Variants in PTPRT observed in about 807,000 individuals in gnomAD.
PTPRT encodes protein tyrosine phosphatase receptor type T, also known as receptor-type tyrosine-protein phosphatase T.
A neutral mutation model predicts 176.8 loss-of-function variants in PTPRT; 56 were observed. That is an observed-to-expected ratio of 0.32 (90% CI 0.26 to 0.40). The LOEUF (loss-of-function observed/expected upper bound fraction) is 0.40. Among genes scored for constraint, PTPRT ranks in the 10% least tolerant of loss-of-function variants. PTPRT has a pLI of 1.00. For missense variants in PTPRT, 1,540 were observed against 1,908.2 expected, an observed-to-expected ratio of 0.81 and a Z score of 3.60; for synonymous variants, 783 against 739.0, an observed-to-expected ratio of 1.06 and a Z score of -0.96.
the PTPRT span, among the ~76,000 whole-genome samples, chr20:42,034,293 T>C: frequency 6.6e-6 from 1 of 152,144 alleles, no homozygotes; most frequent in Non-Finnish European, 1.5e-5. Flanking sequence ...CCCTGCTGGA[T>C]GTTGAGGAGA....
intron 1 of PTPRT, among the ~76,000 whole-genome samples, chr20:43,099,352 G>C (rs528690019): frequency 6.6e-6 from 1 of 152,240 alleles, no homozygotes; most frequent in East Asian, 1.9e-4. Context: ...ACAGATCAAA[G>C]AAGCATGGAC....
At chr20:42,866,496 C>A (rs2078749159) in intron 2 of PTPRT, among the ~76,000 whole-genome samples, 1 of 152,168 alleles carries the variant, frequency 6.6e-6, no homozygotes, top group Non-Finnish European at 1.5e-5. Context: ...CATGCCTGAT[C>A]AGTTCCCTCC....
intron 26 of PTPRT, among the ~76,000 whole-genome samples, chr20:42,099,546 C>CGG (rs59137378): frequency 6.6e-4 from 19 of 28,896 alleles, no homozygotes; most frequent in African/African-American, 1.2e-3. Context: ...ATGGCCTGGG[C>CGG]GGGGGGGGGG....
intron 7 of PTPRT, among the ~76,000 whole-genome samples, chr20:42,567,871 A>G (rs2073072979): frequency 6.6e-6 from 1 of 152,118 alleles, no homozygotes; most frequent in Non-Finnish European, 1.5e-5. Flanking sequence ...GACTGTCTTA[A>G]TTAGTATTGA....
chr20:42,694,029 TA>T, intron 6 of PTPRT, among the ~76,000 whole-genome samples: 1 of 96,406 alleles, frequency 1.0e-5, no homozygotes. Flanking sequence ...TTTTTTCTTT[TA>T]TTTTATTTTC....
In PTPRT at chr20:42,594,359, C is replaced by A. The variant is rs1159598361; in HGVS notation, c.1153+83507G>T. Among the ~76,000 whole-genome samples the A allele has an allele frequency of 2.0e-5, 3 of 152,082 alleles. 1 individual carries two copies. The highest frequency in any genetic ancestry group is 4.4e-5 in the Non-Finnish European group (3 of 68,010). ...CTTTCTGTAAAATTGGTTCGTGAAA[C>A]AGACTACAGGCATTAATATCCTTTA... On this transcript the variant is annotated intron_variant, in intron 7 of 30. Transcript: ENST00000373187.
intron 17 of PTPRT, among the ~76,000 whole-genome samples, chr20:42,153,981 C>T (rs1349718443): frequency 1.3e-5 from 2 of 152,192 alleles, no homozygotes; most frequent in Non-Finnish European, 1.5e-5. Context: ...TGGCTTTTGG[C>T]CACTCCCTAT....
chr20:42,981,989 G>T (rs1447987901), intron 1 of PTPRT, among the ~76,000 whole-genome samples: 1 of 152,152 alleles, frequency 6.6e-6, no homozygotes, highest in Non-Finnish European at 1.5e-5. Context: ...ACTAGACCGA[G>T]GGAAGAAGAC....
chr20:42,726,716 G>T (rs182644389), intron 6 of PTPRT, among the ~76,000 whole-genome samples: 42 of 152,260 alleles, frequency 2.8e-4, no homozygotes, highest in African/African-American at 9.9e-4. Flanking sequence ...CACACAGTAG[G>T]GCCTCGGGCT....
At chr20:43,054,483 C>G (rs996478) in intron 1 of PTPRT, among the ~76,000 whole-genome samples, 57,952 of 150,884 alleles carry the variant, frequency 0.38, 14,327 homozygotes, top group African/African-American at 0.7. Context: ...GAGCCCAGAA[C>G]GTCAAGGCGG....
chr20:42,337,061 T>C (rs1360924022), intron 11 of PTPRT, among the ~76,000 whole-genome samples: 1 of 152,184 alleles, frequency 6.6e-6, no homozygotes, highest in Non-Finnish European at 1.5e-5. Context: ...AGCTGTGGCA[T>C]GGTCTTTCAT....
chr20:42,454,807 T>A (rs1369535687), intron 8 of PTPRT, among the ~76,000 whole-genome samples: 1 of 152,234 alleles, frequency 6.6e-6, no homozygotes, highest in African/African-American at 2.4e-5. Context: ...GAGACAAATT[T>A]AGTAGCAGAC....
At chr20:43,048,701 T>C (rs1986932041) in intron 1 of PTPRT, among the ~76,000 whole-genome samples, 1 of 152,180 alleles carries the variant, frequency 6.6e-6, no homozygotes. Flanking sequence ...GAAAAAATGT[T>C]TCTGCTTTTA....
At chr20:42,069,889 C>T (rs998212729), downstream of PTPRT, among the ~76,000 whole-genome samples, 2 of 152,122 alleles carry the variant, frequency 1.3e-5, no homozygotes, top group Non-Finnish European at 2.9e-5. Flanking sequence ...TTCTCTGTCT[C>T]CAGTTGTTCA....
chr20:43,144,856 G>A (rs1257487600), intron 1 of PTPRT, among the ~76,000 whole-genome samples: 1 of 152,180 alleles, frequency 6.6e-6, no homozygotes, highest in African/African-American at 2.4e-5. Flanking sequence ...TTTATAAGCA[G>A]CTTCCACTGC....
At chr20:42,959,245 G>A (rs971324053) in intron 1 of PTPRT, among the ~76,000 whole-genome samples, 13 of 152,218 alleles carry the variant, frequency 8.5e-5, no homozygotes, top group South Asian at 8.3e-4. Flanking sequence ...GCTCATGTAC[G>A]TCAAGTGCTT....
chr20:42,371,518 G>C (rs1158612549), intron 9 of PTPRT, among the ~76,000 whole-genome samples: 1 of 152,174 alleles, frequency 6.6e-6, no homozygotes, highest in African/African-American at 2.4e-5. Flanking sequence ...TTTCCACTCA[G>C]ACAAGACTCT....
chr20:43,020,770 T>C (rs1318410751), intron 1 of PTPRT, among the ~76,000 whole-genome samples: 2 of 152,216 alleles, frequency 1.3e-5, no homozygotes, highest in Non-Finnish European at 2.9e-5. Flanking sequence ...GAAGCAAAGC[T>C]AGAGGAGGCA....
rs74271793 is a variant in PTPRT at position 42,610,379 on chromosome 20, G to GTT, written c.1153+67485_1153+67486dup. Among the ~76,000 whole-genome samples, 788 of 136,422 alleles carry GTT rather than the reference G, an allele frequency of 5.8e-3. 8 individuals are homozygous for GTT. Among genetic ancestry groups the GTT allele is most frequent in the African/African-American group, 0.018 (689 of 38,808 alleles). The allele number at this position is 136,422 out of a possible 152,430, so 89.5% of individuals were successfully genotyped here. A position where few individuals can be genotyped will look rare whatever the true frequency, so the allele number is the denominator to read the frequency against. The stretch of plus-strand genomic sequence containing the variant: ...GTAGATCTGCGGGTTTACTTGTTTT[G>GTT]TTTTTTTTTTTTGTTTTTTTTTTTG... On this transcript the variant is annotated intron_variant, in intron 7 of 30. Coordinates refer to ENST00000373187, the MANE Select transcript of PTPRT (RefSeq NM_007050.6).
Sources: allele counts gnomAD v4.1 joint callset (sites outside exome capture counted in the v4.1 genomes callset), GRCh38; gene constraint gnomAD v4.1.1; transcripts MANE v1.5; gene names NCBI Gene and HGNC (gene_info 2026-07-23, HGNC 2026-07-21).